Variants in MROH1 observed in about 807,000 individuals in gnomAD.
MROH1 encodes the protein maestro heat-like repeat-containing protein family member 1.
Under a neutral mutation model 116.5 loss-of-function variants are expected in MROH1, and 117 were observed. The ratio of observed to expected loss-of-function variants is 1.00; its 90% confidence interval spans 0.86 to 1.17. MROH1 has a LOEUF of 1.17. Among genes scored for constraint, MROH1 ranks in the 50% most tolerant of loss-of-function variants. The pLI, the probability that MROH1 is intolerant of heterozygous loss-of-function variation, is 0.00. For missense variants in MROH1, 1,873 were observed against 1,338.5 expected, an observed-to-expected ratio of 1.40 and a Z score of -6.23; for synonymous variants, 921 against 583.9, an observed-to-expected ratio of 1.58 and a Z score of -8.32.
At chr8:144,203,799 C>G (rs1482572434) in intron 12 of MROH1, among the ~76,000 whole-genome samples, 1 of 152,170 alleles carries the variant, frequency 6.6e-6, no homozygotes, top group African/African-American at 2.4e-5. Flanking sequence ...AGGTTGGCAT[C>G]TGAAGTGGAA....
chr8:144,154,215 C>T (rs1199715333), intron 1 of MROH1, among the ~76,000 whole-genome samples: 2 of 152,096 alleles, frequency 1.3e-5, no homozygotes, highest in African/African-American at 2.4e-5. Flanking sequence ...CAGGCACGTG[C>T]CACCACGCCG....
chr8:144,148,280 G>T (rs1815894770), intron 1 of MROH1, among the ~76,000 whole-genome samples: 1 of 152,220 alleles, frequency 6.6e-6, no homozygotes, highest in African/African-American at 2.4e-5. Context: ...CCGCGCCACA[G>T]CCCGGAAGAG....
intron 4 of MROH1, among the ~76,000 whole-genome samples, chr8:144,170,084 C>T (rs1008205280): frequency 1.1e-4 from 16 of 152,186 alleles, no homozygotes; most frequent in Non-Finnish European, 2.1e-4. Context: ...CTGCCAGCCT[C>T]GGCCTCCCAG....
At position 144,259,298 on chromosome 8, in the gene MROH1, A is replaced by G; in HGVS notation, c.3988A>G (p.Thr1330Ala). The G allele has an allele frequency of 1.4e-6, 1 of 715,066 alleles. No individual in the cohort carries two copies. Among genetic ancestry groups the G allele is most frequent in the Non-Finnish European group, 2.6e-6 (1 of 384,886 alleles). The allele number at this position is 715,066 out of a possible 1,614,324, so 44.3% of individuals were successfully genotyped here. A position where few individuals can be genotyped will look rare whatever the true frequency, so the allele number is the denominator to read the frequency against. The change falls in exon 37 of 44, where the codon ACA becomes GCA. Residue 1330 changes from threonine (T) to alanine (A), a missense_variant. Thr to Ala is a moderately conservative substitution (Grantham distance 58, BLOSUM62 0). Coordinates refer to ENST00000326134, the MANE Select transcript of MROH1 (RefSeq NM_032450.3). ...CCTGGTGCTGAAGACGCTGGCATGCACACACAGCAGTGCGTATGAGAACCA... is the reference window on the plus strand; with the variant it reads ...CCTGGTGCTGAAGACGCTGGCATGCGCACACAGCAGTGCGTATGAGAACCA... ...LPLVLKTLAC[T>A]HSSAYENQRV... is the part of the protein sequence containing the mutation.
At position 144,180,426 on chromosome 8, in the gene MROH1, G is replaced by T; in HGVS notation, c.465G>T (p.Ala155=). The change falls in exon 7 of 44, where the codon GCG becomes GCT. Residue 155 remains alanine (A), a splice_region_variant and synonymous_variant. Transcript: ENST00000326134. This position sits in a 1 kb window ranked among gnomAD's most constrained non-coding sequence, Gnocchi z 7.4. ...CTTTGACGGTGTCCTCTCTCACAGC[G>T]TTCGGCGTAGTCCCCTTCCTGCCAT... The part of the protein sequence containing the change: ...HTLASLSVAN[A]FGVVPFLPSV... The T allele has an allele frequency of 6.2e-7, 1 of 1,612,992 alleles. No homozygotes were observed. Among genetic ancestry groups the T allele is most frequent in the Non-Finnish European group, 8.5e-7 (1 of 1,179,772 alleles).
chr8:144,239,401 C>T lies in MROH1; in HGVS notation c.1632+38C>T. ...CTTTCACAGCGTGCCCAGCGCCCCA[C>T]TCTGTGTCCCTGTGCTCCACCCAGG... On this transcript the variant is annotated intron_variant, in intron 17 of 43. Coordinates refer to ENST00000326134, the MANE Select transcript of MROH1 (RefSeq NM_032450.3). 9.0e-6 allele frequency: 7 copies of T among 780,492 alleles called. No individual in the cohort carries two copies. The South Asian group carries it at 9.4e-5, about 10-fold the overall frequency. The allele number at this position is 780,492 out of a possible 1,614,324, so 48.3% of individuals were successfully genotyped here. A position where few individuals can be genotyped will look rare whatever the true frequency, so the allele number is the denominator to read the frequency against.
intron 8 of MROH1, among the ~76,000 whole-genome samples, chr8:144,191,286 T>G (rs1828524920): frequency 6.6e-6 from 1 of 152,142 alleles, no homozygotes; most frequent in East Asian, 1.9e-4. Context: ...GCCAGGCTGG[T>G]CTCGAACTCC....
intron 12 of MROH1, among the ~76,000 whole-genome samples, chr8:144,218,338 C>A (rs1835732450): frequency 6.6e-6 from 1 of 152,082 alleles, no homozygotes; most frequent in African/African-American, 2.4e-5. Flanking sequence ...AGCCTCCAAG[C>A]ATTCTACCTG....
intron 35 of MROH1, among the ~76,000 whole-genome samples, chr8:144,256,902 G>A (rs1444554319): frequency 6.6e-6 from 1 of 152,252 alleles, no homozygotes; most frequent in Non-Finnish European, 1.5e-5. Context: ...GGTCCAGATG[G>A]GGCCTTGCAG....
intron 24 of MROH1, 125 bp from the exon 25 acceptor site, chr8:144,243,369 G>A (rs1841347142): frequency 1.9e-5 from 13 of 697,204 alleles, no homozygotes; most frequent in Non-Finnish European, 2.6e-5. Flanking sequence ...AAAAGGGCTG[G>A]CTAGAGAGCT....
intron 14 of MROH1, among the ~76,000 whole-genome samples, 166 bp downstream of exon 14, chr8:144,223,396 CT>C (rs766562833): frequency 1.1e-4 from 16 of 152,070 alleles, no homozygotes; most frequent in Non-Finnish European, 2.2e-4. Context: ...CAGGGTCTTG[CT>C]TCTGTGGCCC....
chr8:144,177,615 GT>G (rs1213246354), intron 4 of MROH1, among the ~76,000 whole-genome samples: 1 of 152,170 alleles, frequency 6.6e-6, no homozygotes, highest in African/African-American at 2.4e-5. Context: ...GTCTGATCTG[GT>G]TTGAATCTGT....
chr8:144,236,699 C>G (rs1840094689), intron 14 of MROH1, among the ~76,000 whole-genome samples: 1 of 151,582 alleles, frequency 6.6e-6, no homozygotes, highest in Non-Finnish European at 1.5e-5. Context: ...GCTGAGATCA[C>G]CCCACTGCAC....
At chr8:144,242,900 T>C (rs946010837) in intron 24 of MROH1, among the ~76,000 whole-genome samples, 4 of 147,114 alleles carry the variant, frequency 2.7e-5, no homozygotes, top group African/African-American at 9.9e-5. Context: ...GCCCCACCCG[T>C]CCCAGGACAG....
At chr8:144,191,660 G>A (rs1828631876) in intron 8 of MROH1, 55 bp from the exon 9 acceptor site, 7 of 1,597,988 alleles carry the variant, frequency 4.4e-6, no homozygotes, top group Admixed American at 3.4e-5. Context: ...GACATGCTCT[G>A]AGCAGTCGGT....
rs1214172710 is a variant in MROH1, at chr8:144,180,117, G to A, written c.301-61G>A. 9 of 1,595,116 alleles carry A rather than the reference G, an allele frequency of 5.6e-6. No individual in the cohort carries two copies. Among genetic ancestry groups the A allele is most frequent in the African/African-American group, 2.7e-5 (2 of 74,610 alleles). On this transcript the variant is annotated intron_variant, in intron 5 of 43. Transcript: ENST00000326134. This position sits in a 1 kb window ranked among gnomAD's most constrained non-coding sequence, Gnocchi z 7.4. ...CGTGCGCTTGTCCAAGGCTGGCAGC[G>A]ACTGAGGGCAGAATGTCTTGGTCTT... is the stretch of plus-strand genomic sequence containing the variant.
intron 1 of MROH1, among the ~76,000 whole-genome samples, chr8:144,153,900 A>G (rs1276380685): frequency 6.6e-6 from 1 of 151,638 alleles, no homozygotes; most frequent in African/African-American, 2.4e-5. Flanking sequence ...AGCCAGGACT[A>G]CAGGCGCCCA....
At chr8:144,221,467 T>C (rs115667815) in intron 13 of MROH1, among the ~76,000 whole-genome samples, 130 of 151,966 alleles carry the variant, frequency 8.6e-4, no homozygotes, top group African/African-American at 3.1e-3. Flanking sequence ...GGCTGCTGTC[T>C]TGGGTAGGAC....
At chr8:144,255,455 C>T in intron 34 of MROH1, 54 bp from the exon 35 acceptor site, 1 of 762,260 alleles carries the variant, frequency 1.3e-6, no homozygotes, top group South Asian at 1.4e-5. Flanking sequence ...GTGCAGGGCT[C>T]AGATCTCCTG....
Sources: allele counts gnomAD v4.1 joint callset (sites outside exome capture counted in the v4.1 genomes callset), GRCh38; gene constraint gnomAD v4.1.1; non-coding constraint Gnocchi (gnomAD v3.1); transcripts MANE v1.5; gene names NCBI Gene and HGNC (gene_info 2026-07-23, HGNC 2026-07-21).